Variants in SIPA1L1 observed in about 807,000 individuals in gnomAD.
The protein encoded by SIPA1L1 is signal induced proliferation associated 1 like 1, also known as signal-induced proliferation-associated 1-like protein 1.
A neutral mutation model predicts 162.7 loss-of-function variants in SIPA1L1; 26 were observed. The observed-to-expected ratio is 0.16, with a 90% CI of 0.12 to 0.22. SIPA1L1 has a LOEUF of 0.22. Among genes scored for constraint, SIPA1L1 ranks in the 10% least tolerant of loss-of-function variants. SIPA1L1 has a pLI of 1.00. For missense variants in SIPA1L1, 1,874 were observed against 2,241.0 expected, an observed-to-expected ratio of 0.84 and a Z score of 3.31; for synonymous variants, 829 against 837.4, an observed-to-expected ratio of 0.99 and a Z score of 0.17.
At chr14:71,730,403 A>G in intron 20 of SIPA1L1, 102 bp downstream of exon 20, 1 of 1,341,296 alleles carries the variant, frequency 7.5e-7, no homozygotes, top group East Asian at 2.3e-5. Flanking sequence ...TCCTGTATCC[A>G]TGCTCAGATG....
chr14:71,514,027 A>T (rs36072220), intron 3 of SIPA1L1, among the ~76,000 whole-genome samples: 25,100 of 152,178 alleles, frequency 0.16, 2,685 homozygotes, highest in Middle Eastern at 0.35. Flanking sequence ...GAAGAAAAAA[A>T]TTGACTGAGG....
intron 5 of SIPA1L1, among the ~76,000 whole-genome samples, chr14:71,609,180 A>C (rs2148265795): frequency 6.6e-6 from 1 of 152,242 alleles, no homozygotes; most frequent in East Asian, 1.9e-4. Flanking sequence ...TAATGCTTAC[A>C]TTAGCTGGTC....
intron 14 of SIPA1L1, among the ~76,000 whole-genome samples, chr14:71,700,717 T>G (rs2082020031): frequency 6.6e-6 from 1 of 152,118 alleles, no homozygotes; most frequent in Non-Finnish European, 1.5e-5. Context: ...TTTTATTGGC[T>G]GGTACGGTGG....
intron 7 of SIPA1L1, among the ~76,000 whole-genome samples, chr14:71,627,887 G>A (rs576488590): frequency 8.1e-4 from 123 of 152,066 alleles, no homozygotes; most frequent in Non-Finnish European, 1.4e-3. Flanking sequence ...TACATATCTC[G>A]AATTACTTTC....
intron 2 of SIPA1L1, among the ~76,000 whole-genome samples, chr14:71,360,116 A>G (rs2037661790): frequency 6.6e-6 from 1 of 152,236 alleles, no homozygotes; most frequent in African/African-American, 2.4e-5. Context: ...CTACTAATCT[A>G]AACTTTTTAC....
chr14:71,655,461 T>C (rs1184301996), intron 8 of SIPA1L1, among the ~76,000 whole-genome samples: 2 of 152,188 alleles, frequency 1.3e-5, no homozygotes, highest in African/African-American at 4.8e-5. Flanking sequence ...GATAAAATTA[T>C]TTCTTTTCCT....
chr14:71,544,190 T>TAC (rs747147136), intron 4 of SIPA1L1, among the ~76,000 whole-genome samples: 14 of 150,780 alleles, frequency 9.3e-5, no homozygotes, highest in Non-Finnish European at 1.3e-4. Flanking sequence ...TGTGTATATA[T>TAC]ACATATGCAT....
intron 2 of SIPA1L1, among the ~76,000 whole-genome samples, chr14:71,462,517 G>A (rs972704020): frequency 2.0e-5 from 3 of 152,190 alleles, no homozygotes; most frequent in Admixed American, 6.5e-5. Context: ...AGGTCCACTA[G>A]GCGTTGTGCC....
chr14:71,641,458 C>T (rs915354034), intron 7 of SIPA1L1, among the ~76,000 whole-genome samples: 9 of 152,214 alleles, frequency 5.9e-5, no homozygotes, highest in Middle Eastern at 3.2e-3. Flanking sequence ...CGTGGTGGCT[C>T]ATGCCTGTAA....
chr14:71,441,825 A>G (rs576264171), intron 2 of SIPA1L1, among the ~76,000 whole-genome samples: 19 of 152,278 alleles, frequency 1.2e-4, no homozygotes, highest in African/African-American at 4.6e-4. Context: ...AAATGTTAGT[A>G]ACACTTTAAA....
In SIPA1L1 at chr14:71,687,181, C is replaced by A. The variant is rs577579435; in HGVS notation, c.3374+1550C>A. ...ATCTTTCTACAACTTCTCATTTCAT[C>A]CTGGAGATCTGTTTACAGAGCCTTG... On this transcript the variant is annotated intron_variant, in intron 13 of 23. Coordinates refer to ENST00000381232, the MANE Select transcript of SIPA1L1 (RefSeq NM_001386936.1). Among the ~76,000 whole-genome samples, 10 of 152,310 alleles carry A rather than the reference C, an allele frequency of 6.6e-5. No individual in the cohort carries two copies. The East Asian group carries it at 1.9e-3, about 29-fold the overall frequency.
At position 71,702,462 on chromosome 14, in the gene SIPA1L1, G is replaced by T; in HGVS notation, c.3603G>T (p.Thr1201=). Residue 1201 remains threonine, a synonymous_variant, in exon 15 of 24, where the codon ACG becomes ACT. Coordinates refer to ENST00000381232, the MANE Select transcript of SIPA1L1 (RefSeq NM_001386936.1). The stretch of plus-strand genomic sequence containing the variant: ...ATATTGGTGGCAGCGGAAAATCCAC[G>T]CCTAGCTGGCAAAGAAGTGAGGATA... ...QSDIGGSGKS[T]PSWQRSEDSI... The T allele has an allele frequency of 1.9e-6, 3 of 1,614,126 alleles. No homozygotes were observed. Among genetic ancestry groups the T allele is most frequent in the Non-Finnish European group, 2.5e-6 (3 of 1,179,988 alleles).
chr14:71,462,737 T>G lies in SIPA1L1; in HGVS notation c.-464-50006T>G, dbSNP rs541394431. ...TGCTCACTAGATCCACTCAGCATAA[T>G]GTCATCAACGTAATGGACCAGTGTG... is the stretch of plus-strand genomic sequence containing the variant. On this transcript the variant is annotated intron_variant, in intron 2 of 23. Coordinates refer to ENST00000381232, the MANE Select transcript of SIPA1L1 (RefSeq NM_001386936.1). Among the ~76,000 whole-genome samples the G allele has an allele frequency of 9.9e-5, 15 of 152,276 alleles. No individual in the cohort carries two copies. In the East Asian group the frequency reaches 2.9e-3, roughly 29 times the overall value.
rs117187636 is a variant in SIPA1L1, at chr14:71,403,095, A to T, written c.-465+81914A>T. 1.3e-3 allele frequency among the ~76,000 whole-genome samples: 191 copies of T among 152,294 alleles called. No individual in the cohort carries two copies. In the East Asian group the frequency reaches 0.027, roughly 22 times the overall value. On this transcript the variant is annotated intron_variant, in intron 2 of 23. Coordinates refer to ENST00000381232, the MANE Select transcript of SIPA1L1 (RefSeq NM_001386936.1). ...ATGTGCCCCTATTAATGCCACTTAT[A>T]TGTTCATTGTAGATCATCTGTCTCC...
intron 2 of SIPA1L1, among the ~76,000 whole-genome samples, chr14:71,455,353 T>C (rs2046115372): frequency 6.6e-6 from 1 of 152,188 alleles, no homozygotes; most frequent in Admixed American, 6.5e-5. Flanking sequence ...TCCCTTTTCT[T>C]AAATTATTTG....
At chr14:71,473,559 G>A (rs563380281) in intron 2 of SIPA1L1, among the ~76,000 whole-genome samples, 14 of 152,248 alleles carry the variant, frequency 9.2e-5, no homozygotes, top group Admixed American at 5.2e-4. Flanking sequence ...TGTAAAGTTA[G>A]GTGCGAAAAG....
At chr14:71,464,288 T>C (rs543766650) in intron 2 of SIPA1L1, among the ~76,000 whole-genome samples, 1 of 152,234 alleles carries the variant, frequency 6.6e-6, no homozygotes, top group East Asian at 1.9e-4. Flanking sequence ...AATCCATATT[T>C]CAGGTAACCA....
At chr14:71,552,467 C>T (rs2055937064) in intron 4 of SIPA1L1, among the ~76,000 whole-genome samples, 4 of 151,732 alleles carry the variant, frequency 2.6e-5, no homozygotes, top group African/African-American at 9.7e-5. Context: ...TCTCGGCTCA[C>T]TGCAAGCTCC....
At chr14:71,696,773 A>G (rs917964806) in intron 13 of SIPA1L1, among the ~76,000 whole-genome samples, 1 of 152,230 alleles carries the variant, frequency 6.6e-6, no homozygotes, top group African/African-American at 2.4e-5. Flanking sequence ...CACACATAAA[A>G]TAACCATTCT....
Sources: allele counts gnomAD v4.1 joint callset (sites outside exome capture counted in the v4.1 genomes callset), GRCh38; gene constraint gnomAD v4.1.1; transcripts MANE v1.5; gene names NCBI Gene and HGNC (gene_info 2026-07-23, HGNC 2026-07-21).